EFNB1: variants seen among roughly 807,000 people sequenced by gnomAD.
The protein encoded by EFNB1 is ephrin-B1.
EFNB1 carries 1 observed loss-of-function variant against 18.1 expected under a neutral mutation model. That is an observed-to-expected ratio of 0.06 (90% confidence interval 0.02 to 0.26). The LOEUF (loss-of-function observed/expected upper bound fraction) is 0.26, where lower values mean the gene tolerates loss of function less well. Ranked by LOEUF, EFNB1 falls within the 10% of genes least tolerant of loss-of-function variation. The pLI is 1.00. For synonymous variants in EFNB1, 131 were observed against 127.5 expected, an observed-to-expected ratio of 1.03 and a Z score of -0.19; for missense variants, 221 against 301.8, an observed-to-expected ratio of 0.73 and a Z score of 1.98.
Position 68,841,065 on chromosome X carries a change from A to G in EFNB1, c.*411A>G, listed in dbSNP as rs984402333. ...ATTTTTTAGCTGTCAACTCATTTTC[A>G]TCTGTTTTTTGAAGAAAAATGGAAA... On this transcript the variant is annotated 3_prime_UTR_variant, in exon 5 of 5. Coordinates refer to ENST00000204961, the MANE Select transcript of EFNB1 (RefSeq NM_004429.5). 2.4e-5 allele frequency: 4 copies of G among 168,520 alleles called. No individual in the cohort carries two copies. Among genetic ancestry groups the G allele is most frequent in the African/African-American group, 3.0e-5 (1 of 33,399 alleles). 13.9% of individuals were successfully genotyped at this position (168,520 alleles called of 1,213,427 possible). A position where few individuals can be genotyped will look rare whatever the true frequency, so the allele number is the denominator to read the frequency against.
rs184094713 is a variant in EFNB1, at chrX:68,834,343, G to A, written c.129-4274G>A. Among the ~76,000 whole-genome samples, 4 of 112,456 alleles carry A rather than the reference G, an allele frequency of 3.6e-5. No individual in the cohort carries two copies. In the East Asian group the frequency reaches 1.1e-3, roughly 32 times the overall value. On this transcript the variant is annotated intron_variant, in intron 1 of 4. Transcript: ENST00000204961. Reference sequence around the variant, plus strand: ...AGAAAGCAGACATCGACATCGAGGAGGGGGGGTATTAAATTCATAATGGAC... The same window carrying A: ...AGAAAGCAGACATCGACATCGAGGAAGGGGGGTATTAAATTCATAATGGAC...
chrX:68,840,731 C>G lies in EFNB1; in HGVS notation c.*77C>G. 1 of 1,048,591 alleles carries G rather than the reference C, an allele frequency of 9.5e-7. No homozygotes were observed. Among genetic ancestry groups the G allele is most frequent in the Non-Finnish European group, 1.3e-6 (1 of 768,793 alleles). 86.4% of individuals were successfully genotyped at this position (1,048,591 alleles called of 1,213,427 possible). ...TCTCCTTTCGCCCCCACACCCCCTC[C>G]CCTTGCCAGCTGTGCCCACCTTTGT... On this transcript the variant is annotated 3_prime_UTR_variant, in exon 5 of 5. Coordinates refer to ENST00000204961, the MANE Select transcript of EFNB1 (RefSeq NM_004429.5).
At chrX:68,837,546 A>C (rs2080463780) in intron 1 of EFNB1, among the ~76,000 whole-genome samples, 2 of 112,471 alleles carry the variant, frequency 1.8e-5, no homozygotes, top group Non-Finnish European at 3.8e-5. Context: ...TCTCAGCACC[A>C]GCCCATCCAG....
intron 1 of EFNB1, 87 bp downstream of exon 1, chrX:68,829,991 C>G: frequency 9.1e-7 from 1 of 1,104,779 alleles, no homozygotes; most frequent in Non-Finnish European, 1.2e-6. Flanking sequence ...GTGGGGAGGT[C>G]TTCGGAGGAG....
intron 1 of EFNB1, among the ~76,000 whole-genome samples, chrX:68,835,077 G>A (rs893445205): frequency 8.9e-6 from 1 of 111,890 alleles, no homozygotes; most frequent in African/African-American, 3.3e-5. Context: ...TGATGGCATC[G>A]TGGTGCTTCT....
rs754420974 is a variant in EFNB1 at position 68,840,498 on chromosome X, G to A, written c.885G>A (p.Ala295=). Residue 295 remains alanine (A), a synonymous_variant, in exon 5 of 5, where the codon GCG becomes GCA. Coordinates refer to ENST00000204961, the MANE Select transcript of EFNB1 (RefSeq NM_004429.5). ...LASPKGGSGT[A]GTEPSDIIIP... is the part of the protein sequence containing the mutation. ...GTCCCAAGGGGGGCAGTGGCACAGC[G>A]GGCACCGAGCCCAGCGACATCATCA... The A allele has an allele frequency of 7.4e-6, 9 of 1,211,122 alleles. No individual in the cohort carries two copies. Among genetic ancestry groups the A allele is most frequent in the East Asian group, 3.0e-5 (1 of 33,791 alleles).
rs1259786723 is a variant in EFNB1 at position 68,840,304 on chromosome X, G to A, written c.691G>A (p.Asp231Asn). 3 of 1,210,369 alleles carry A rather than the reference G, an allele frequency of 2.5e-6. No homozygotes were observed. The Admixed American group carries it at 6.5e-5, about 26-fold the overall frequency. Reference protein sequence around the residue: ...GASGGSSGDPDGFFNSKVALF... With the variant: ...GASGGSSGDPNGFFNSKVALF... The stretch of plus-strand genomic sequence containing the variant: ...AAGTGGGGGCAGCAGCGGGGACCCT[G>A]ATGGCTTCTTCAACTCCAAGGTGGC... Residue 231 changes from aspartate (D) to asparagine (N), a missense_variant, in exon 5 of 5, where the codon GAT (aspartate) becomes AAT (asparagine). Physicochemically the swap from Asp to Asn is conservative, Grantham distance 23. Transcript: ENST00000204961.
At chrX:68,833,814 G>A (rs1284949798) in intron 1 of EFNB1, among the ~76,000 whole-genome samples, 1 of 112,477 alleles carries the variant, frequency 8.9e-6, no homozygotes, top group African/African-American at 3.2e-5. Flanking sequence ...ATAGGCAGGC[G>A]GCACCTTGCT....
In EFNB1 at chrX:68,829,661, C is replaced by T; in HGVS notation, c.-116C>T. 1.8e-6 allele frequency: 2 copies of T among 1,112,551 alleles called. No homozygotes were observed. Among genetic ancestry groups the T allele is most frequent in the Non-Finnish European group, 2.4e-6 (2 of 834,627 alleles). The allele number at this position is 1,112,551 out of a possible 1,213,427, so 91.7% of individuals were successfully genotyped here. Reference sequence around the variant, plus strand: ...CGGGAGGGGAGCACTTCAAGGCCGGCGGCTGCGGAGGATGGGCGCCTGAGC... The same window carrying T: ...CGGGAGGGGAGCACTTCAAGGCCGGTGGCTGCGGAGGATGGGCGCCTGAGC... On this transcript the variant is annotated 5_prime_UTR_variant, in exon 1 of 5. Coordinates refer to ENST00000204961, the MANE Select transcript of EFNB1 (RefSeq NM_004429.5).
chrX:68,839,862 G>A lies in EFNB1; in HGVS notation c.500-98G>A, dbSNP rs2080472162. On this transcript the variant is annotated intron_variant, in intron 3 of 4. Coordinates refer to ENST00000204961, the MANE Select transcript of EFNB1 (RefSeq NM_004429.5). ...TTAGGAGTGGGGGAGCAGGCGTAGG[G>A]TTACAGTATCCAGGCCATTCTTGGC... The A allele has an allele frequency of 1.5e-5, 18 of 1,188,178 alleles. No individual in the cohort carries two copies. The South Asian group carries it at 2.9e-4, about 19-fold the overall frequency.
At chrX:68,838,166 T>C (rs1237680064) in intron 1 of EFNB1, among the ~76,000 whole-genome samples, 1 of 48,154 alleles carries the variant, frequency 2.1e-5, no homozygotes, top group Non-Finnish European at 4.0e-5. Context: ...TGTGTGTGTG[T>C]GTGTGTGCGC....
rs2080462510 is a variant in EFNB1 at position 68,837,075 on chromosome X, C to T, written c.129-1542C>T. 2.7e-5 allele frequency among the ~76,000 whole-genome samples: 3 copies of T among 111,584 alleles called. No homozygotes were observed. In the South Asian group the frequency reaches 1.1e-3, roughly 43 times the overall value. On this transcript the variant is annotated intron_variant, in intron 1 of 4. Coordinates refer to ENST00000204961, the MANE Select transcript of EFNB1 (RefSeq NM_004429.5). ...TGAGCTATCTCTTTCTTCTCCCTGC[C>T]TCCAGCCCTTGCTGCTTGAATCATC... is the stretch of plus-strand genomic sequence containing the variant.
Position 68,839,946 on chromosome X carries a change from G to A in EFNB1, c.500-14G>A, listed in dbSNP as rs2080472393. 1 of 1,210,217 alleles carries A rather than the reference G, an allele frequency of 8.3e-7. No homozygotes were observed. The highest frequency in any genetic ancestry group is 2.2e-5 in the Admixed American group (1 of 45,881). Reference sequence around the variant, plus strand: ...CGGGTCCCTGCCTCTCACCTGTTCTGTCTCCATTCTTAGATCCCAATGCTG... The same window carrying A: ...CGGGTCCCTGCCTCTCACCTGTTCTATCTCCATTCTTAGATCCCAATGCTG... On this transcript the variant is annotated splice_polypyrimidine_tract_variant and intron_variant, in intron 3 of 4. Coordinates refer to ENST00000204961, the MANE Select transcript of EFNB1 (RefSeq NM_004429.5).
Position 68,840,549 on chromosome X carries a change from C to A in EFNB1, c.936C>A (p.Asn312Lys), listed in dbSNP as rs1214594126. 8.3e-7 allele frequency: 1 copy of A among 1,210,015 alleles called. No individual in the cohort carries two copies. Among genetic ancestry groups the A allele is most frequent in the East Asian group, 3.0e-5 (1 of 33,746 alleles). ...TTCCCTTACGGACTACAGAGAACAA[C>A]TACTGCCCCCACTATGAGAAGGTGA... is the stretch of plus-strand genomic sequence containing the variant. ...IIIPLRTTEN[N>K]YCPHYEKVSG... Residue 312 changes from asparagine (N) to lysine (K), a missense_variant, in exon 5 of 5, where the codon AAC becomes AAA. By Grantham distance (94) the Asn-to-Lys change is moderately conservative. Coordinates refer to ENST00000204961, the MANE Select transcript of EFNB1 (RefSeq NM_004429.5).
At chrX:68,834,871 C>G (rs753651848) in intron 1 of EFNB1, among the ~76,000 whole-genome samples, 1 of 112,483 alleles carries the variant, frequency 8.9e-6, no homozygotes, top group East Asian at 2.8e-4. Flanking sequence ...ATGTGGGCAG[C>G]TTTCTGGGCA....
In EFNB1 at chrX:68,829,535, AG is replaced by A; in HGVS notation, c.-241del. Reference sequence around the variant, plus strand: ...CTCGTGCGGCAGCGGAGAGCCCAGGAGAACGAGCCCTCGGGGGCCGAAGCCC... The same window carrying A: ...CTCGTGCGGCAGCGGAGAGCCCAGGAAACGAGCCCTCGGGGGCCGAAGCCC... On this transcript the variant is annotated 5_prime_UTR_variant, in exon 1 of 5. Coordinates refer to ENST00000204961, the MANE Select transcript of EFNB1 (RefSeq NM_004429.5). 2 of 444,003 alleles carry A rather than the reference AG, an allele frequency of 4.5e-6. No homozygotes were observed. The highest frequency in any genetic ancestry group is 7.6e-6 in the Non-Finnish European group (2 of 262,489). The allele number at this position is 444,003 out of a possible 1,213,427, so 36.6% of individuals were successfully genotyped here.
At chrX:68,838,243 TG>T (rs199883939) in intron 1 of EFNB1, among the ~76,000 whole-genome samples, 1,754 of 107,293 alleles carry the variant, frequency 0.016, 94 homozygotes, top group East Asian at 0.13. Flanking sequence ...GAATCTTTGT[TG>T]GGGGTGGGGG....
intron 1 of EFNB1, among the ~76,000 whole-genome samples, chrX:68,830,408 C>G (rs978306074): frequency 2.3e-4 from 26 of 113,040 alleles, no homozygotes; most frequent in Non-Finnish European, 2.1e-4. Flanking sequence ...CATCCCCACT[C>G]GGGCTTCTCC....
intron 1 of EFNB1, among the ~76,000 whole-genome samples, chrX:68,833,476 T>A (rs924749380): frequency 1.0e-4 from 11 of 110,373 alleles, no homozygotes; most frequent in Non-Finnish European, 1.7e-4. Context: ...TCCGCTCAGG[T>A]GAATGGGGAT....
Sources: gnomAD v4.1 joint callset for allele counts (sites outside exome capture counted in the v4.1 genomes callset) on GRCh38, gnomAD v4.1.1 for gene constraint, MANE v1.5 for transcripts, NCBI Gene and HGNC (gene_info 2026-07-23, HGNC 2026-07-21) for gene names.